The following PHTF2 variants were observed in gnomAD, a reference collection of about 807,000 sequenced individuals.
The protein encoded by PHTF2 is protein PHTF2.
A neutral mutation model predicts 101.2 loss-of-function variants in PHTF2; 60 were observed. The observed-to-expected ratio is 0.59, with a 90% confidence interval of 0.48 to 0.73. PHTF2 has a LOEUF of 0.73. Ranked by LOEUF, PHTF2 falls within the 30% of genes least tolerant of loss-of-function variation. The pLI is 0.00. For missense variants in PHTF2, 747 were observed against 908.7 expected, an observed-to-expected ratio of 0.82 and a Z score of 2.29; for synonymous variants, 311 against 307.3, an observed-to-expected ratio of 1.01 and a Z score of -0.13.
At position 77,940,012 on chromosome 7, in the gene PHTF2, T is replaced by C. The variant is rs1002692091; in HGVS notation, c.1468-18T>C. The C allele has an allele frequency of 6.4e-7, 1 of 1,566,252 alleles. No individual in the cohort carries two copies. Among genetic ancestry groups the C allele is most frequent in the African/African-American group, 1.4e-5 (1 of 73,058 alleles). ...AATTTTATTTTTCTTTTCTCTCTCT[T>C]CCCCTGGCTCCCTCAAGGTGAACAG... is the stretch of plus-strand genomic sequence containing the variant. On this transcript the variant is annotated intron_variant, in intron 13 of 19. Coordinates refer to ENST00000416283, the Ensembl canonical transcript of PHTF2.
chr7:77,935,761 A>G (rs1805069275), intron 12 of PHTF2, among the ~76,000 whole-genome samples: 1 of 152,190 alleles, frequency 6.6e-6, no homozygotes, highest in Admixed American at 6.5e-5. Flanking sequence ...ACCTTAATTC[A>G]CTATTCCAGA....
chr7:77,919,574 A>G (rs1219157087), intron 9 of PHTF2, among the ~76,000 whole-genome samples: 3 of 152,170 alleles, frequency 2.0e-5, no homozygotes, highest in African/African-American at 7.2e-5. Context: ...TTTGCCTGTT[A>G]GTAAAAAACA....
intron 12 of PHTF2, among the ~76,000 whole-genome samples, chr7:77,930,808 T>C (rs1804497822): frequency 6.6e-6 from 1 of 152,218 alleles, no homozygotes; most frequent in East Asian, 1.9e-4. Flanking sequence ...TCTTTACCTC[T>C]GTCTGGTTTT....
chr7:77,802,769 G>A (rs1310118659), intron 1 of PHTF2, among the ~76,000 whole-genome samples: 1 of 152,148 alleles, frequency 6.6e-6, no homozygotes, highest in Non-Finnish European at 1.5e-5. Context: ...GACCTCAAGT[G>A]ATTTTCCCAT....
intron 1 of PHTF2, among the ~76,000 whole-genome samples, chr7:77,811,997 T>A (rs915896225): frequency 4.6e-5 from 7 of 152,236 alleles, no homozygotes; most frequent in African/African-American, 1.7e-4. Context: ...GACCATGTGA[T>A]CATATCCTTA....
intron 3 of PHTF2, among the ~76,000 whole-genome samples, chr7:77,884,468 A>G (rs1338445078): frequency 6.6e-6 from 1 of 152,074 alleles, no homozygotes; most frequent in Non-Finnish European, 1.5e-5. Context: ...GCTCCCACTT[A>G]TAAGTGAGAA....
chr7:77,817,933 C>T (rs964314177), intron 1 of PHTF2, among the ~76,000 whole-genome samples: 47 of 151,818 alleles, frequency 3.1e-4, no homozygotes, highest in African/African-American at 1.1e-3. Context: ...CATGGTGAAC[C>T]CCCATCTCTA....
intron 2 of PHTF2, among the ~76,000 whole-genome samples, chr7:77,843,263 A>C (rs550431639): frequency 2.0e-5 from 3 of 152,232 alleles, no homozygotes; most frequent in African/African-American, 7.2e-5. Flanking sequence ...TTATGTTGTA[A>C]TATTTCCAAT....
intron 3 of PHTF2, among the ~76,000 whole-genome samples, chr7:77,880,400 C>T (rs987274356): frequency 6.6e-6 from 1 of 152,168 alleles, no homozygotes. Flanking sequence ...TCTTAGCTGC[C>T]ATCCCATCCT....
chr7:77,843,354 T>C (rs939317295), intron 2 of PHTF2, among the ~76,000 whole-genome samples: 1 of 152,240 alleles, frequency 6.6e-6, no homozygotes, highest in African/African-American at 2.4e-5. Context: ...ACTTCTCTTA[T>C]TGCAGTCAGT....
intron 3 of PHTF2, among the ~76,000 whole-genome samples, chr7:77,890,175 A>G (rs1457683791): frequency 1.3e-5 from 2 of 151,996 alleles, no homozygotes; most frequent in African/African-American, 4.8e-5. Flanking sequence ...CACCTTTAGG[A>G]TTGCATTCTG....
chr7:77,822,951 C>T (rs1794413841), intron 1 of PHTF2, among the ~76,000 whole-genome samples: 1 of 143,250 alleles, frequency 7.0e-6, no homozygotes, highest in Non-Finnish European at 1.5e-5. Flanking sequence ...GTCGCCCAGG[C>T]TGGAGTGCAG....
chr7:77,870,561 T>A (rs1331810609), intron 3 of PHTF2, among the ~76,000 whole-genome samples: 1 of 152,198 alleles, frequency 6.6e-6, no homozygotes, highest in Non-Finnish European at 1.5e-5. Context: ...GATTAGCTTG[T>A]GCCCACCTAG....
chr7:77,846,965 A>G (rs943422798), intron 2 of PHTF2, among the ~76,000 whole-genome samples: 14 of 152,160 alleles, frequency 9.2e-5, no homozygotes, highest in South Asian at 4.1e-4. Context: ...CTTAGTTCCC[A>G]TGAAAGGAGC....
exon 12 of PHTF2, chr7:77,929,237 C>G (rs1156950553): frequency 1.2e-6 from 2 of 1,611,068 alleles, no homozygotes; most frequent in Admixed American, 3.3e-5. Flanking sequence ...GTGCAGAATG[C>G]CATTCATCTT....
At position 77,872,936 on chromosome 7, in the gene PHTF2, C is replaced by CT. The variant is rs1253010205; in HGVS notation, c.147+18113dup. ...AACCAAGCAAATAAACTATTAGAAC[C>CT]TTTTTTTTTTTGGAGACAGAGTCTT... On this transcript the variant is annotated intron_variant, in intron 3 of 19. Transcript: ENST00000416283. 2.1e-3 allele frequency among the ~76,000 whole-genome samples: 306 copies of CT among 146,536 alleles called. 4 individuals carry two copies. Among genetic ancestry groups the CT allele is most frequent in the South Asian group, 9.5e-3 (44 of 4,618 alleles).
chr7:77,914,802 G>A (rs1802747912), intron 9 of PHTF2, among the ~76,000 whole-genome samples: 1 of 152,128 alleles, frequency 6.6e-6, no homozygotes, highest in African/African-American at 2.4e-5. Flanking sequence ...TTAAATCACA[G>A]CTTTCCTTGG....
intron 1 of PHTF2, among the ~76,000 whole-genome samples, chr7:77,812,002 T>G (rs947401925): frequency 6.6e-6 from 1 of 152,212 alleles, no homozygotes; most frequent in African/African-American, 2.4e-5. Flanking sequence ...TGTGATCATA[T>G]CCTTATCACA....
intron 12 of PHTF2, among the ~76,000 whole-genome samples, chr7:77,934,566 G>C (rs1219330924): frequency 6.6e-6 from 1 of 152,200 alleles, no homozygotes; most frequent in Non-Finnish European, 1.5e-5. Context: ...TGAGGATAAA[G>C]TATAATCATT....
Sources: allele counts gnomAD v4.1 joint callset (sites outside exome capture counted in the v4.1 genomes callset), GRCh38; gene constraint gnomAD v4.1.1; transcripts MANE v1.5; gene names NCBI Gene and HGNC (gene_info 2026-07-23, HGNC 2026-07-21).